CHIC2: variants seen among roughly 807,000 people sequenced by gnomAD.
The protein encoded by CHIC2 is cysteine rich hydrophobic domain 2, also known as cysteine-rich hydrophobic domain-containing protein 2.
CHIC2 carries 14 observed loss-of-function variants against 25.9 expected under a neutral mutation model. The ratio of observed to expected loss-of-function variants is 0.54; its 90% CI spans 0.36 to 0.85. The LOEUF (loss-of-function observed/expected upper bound fraction) is 0.85. Among genes scored for constraint, CHIC2 ranks in the 40% least tolerant of loss-of-function variants. The pLI is 0.01. For missense variants in CHIC2, 146 were observed against 202.0 expected (o/e 0.72, Z 1.68); for synonymous variants, 70 against 72.0 (o/e 0.97, Z 0.14).
the CHIC2 span, among the ~76,000 whole-genome samples, chr4:54,075,364 A>G: frequency 1.3e-5 from 2 of 152,164 alleles, no homozygotes; most frequent in Non-Finnish European, 2.9e-5. Flanking sequence ...TGGACGAATA[A>G]CTTAGTCTTG....
chr4:54,030,804 A>C (rs1280535944), intron 3 of CHIC2, among the ~76,000 whole-genome samples: 1 of 150,634 alleles, frequency 6.6e-6, no homozygotes, highest in African/African-American at 2.4e-5. Flanking sequence ...AAGTGCTGGG[A>C]TTACAGGAAT....
chr4:54,033,869 T>G (rs564648530), intron 3 of CHIC2, among the ~76,000 whole-genome samples: 1 of 152,324 alleles, frequency 6.6e-6, no homozygotes, highest in South Asian at 2.1e-4. Flanking sequence ...TGTTTGTCTA[T>G]CTTGATGCGA....
chr4:54,043,420 CAAAAAAAAAAA>C (rs902677237), intron 3 of CHIC2, among the ~76,000 whole-genome samples: 3 of 55,864 alleles, frequency 5.4e-5, no homozygotes, highest in Non-Finnish European at 1.2e-4. Context: ...GACTCCATTT[CAAAAAAAAAAA>C]AAAAAAAAGA....
chr4:54,080,425 GA>G, the CHIC2 span, among the ~76,000 whole-genome samples: 2 of 151,836 alleles, frequency 1.3e-5, no homozygotes, highest in Non-Finnish European at 2.9e-5. Context: ...GAAGAGATGG[GA>G]AGATGTTGGT....
chr4:54,028,231 C>T (rs1716120531), intron 3 of CHIC2, among the ~76,000 whole-genome samples: 1 of 152,142 alleles, frequency 6.6e-6, no homozygotes, highest in Non-Finnish European at 1.5e-5. Flanking sequence ...AATTTCCTAA[C>T]TCATGAAATC....
At chr4:54,063,918 A>C (rs1717412839) in intron 1 of CHIC2, among the ~76,000 whole-genome samples, 1 of 152,206 alleles carries the variant, frequency 6.6e-6, no homozygotes, top group Admixed American at 6.5e-5. Context: ...GGCAGACCCT[A>C]ATGAAAACCC....
chr4:54,086,123 C>T, the CHIC2 span, among the ~76,000 whole-genome samples: 6 of 151,956 alleles, frequency 3.9e-5, no homozygotes, highest in African/African-American at 1.4e-4. Flanking sequence ...TTGAGCATCT[C>T]CTCTGCCAGG....
upstream of CHIC2, among the ~76,000 whole-genome samples, chr4:54,066,737 C>T (rs1717528564): frequency 6.6e-6 from 1 of 152,046 alleles, no homozygotes; most frequent in Admixed American, 6.6e-5. Context: ...GCGATCCTCC[C>T]TCCTCAGCCT....
At chr4:54,034,296 C>T (rs1348602637) in intron 3 of CHIC2, among the ~76,000 whole-genome samples, 3 of 151,756 alleles carry the variant, frequency 2.0e-5, no homozygotes, top group Admixed American at 6.6e-5. Context: ...TCCAGCTACT[C>T]GGGAGGCTAA....
At chr4:54,051,373 A>G (rs1315496951) in intron 1 of CHIC2, among the ~76,000 whole-genome samples, 2 of 152,114 alleles carry the variant, frequency 1.3e-5, no homozygotes, top group African/African-American at 2.4e-5. Flanking sequence ...ATGTATCACC[A>G]ATAATAAATA....
chr4:54,069,525 T>G (rs1164694497), upstream of CHIC2, among the ~76,000 whole-genome samples: 1 of 152,234 alleles, frequency 6.6e-6, no homozygotes, highest in African/African-American at 2.4e-5. Flanking sequence ...CTCAGAACCC[T>G]GTTCCTTCAG....
At chr4:54,045,665 T>C (rs1255856450) in intron 3 of CHIC2, among the ~76,000 whole-genome samples, 2 of 151,936 alleles carry the variant, frequency 1.3e-5, no homozygotes, top group Non-Finnish European at 2.9e-5. Flanking sequence ...TAATAAGAGC[T>C]ATCTATGACA....
At chr4:54,054,587 T>C (rs767662608) in intron 1 of CHIC2, among the ~76,000 whole-genome samples, 6 of 152,218 alleles carry the variant, frequency 3.9e-5, no homozygotes, top group Non-Finnish European at 8.8e-5. Context: ...CTCAAAACCA[T>C]GTATACTAGA....
intron 1 of CHIC2, among the ~76,000 whole-genome samples, chr4:54,051,899 G>T (rs1252910448): frequency 6.6e-6 from 1 of 151,758 alleles, no homozygotes; most frequent in Non-Finnish European, 1.5e-5. Flanking sequence ...CTATCTTTAC[G>T]TTACCTCCCA....
intron 3 of CHIC2, among the ~76,000 whole-genome samples, chr4:54,015,495 C>G (rs990326134): frequency 6.6e-6 from 1 of 152,066 alleles, no homozygotes; most frequent in Admixed American, 6.6e-5. Flanking sequence ...TGCCAGTCAG[C>G]CCCAAATCAA....
intron 3 of CHIC2, among the ~76,000 whole-genome samples, chr4:54,037,582 T>C (rs893958068): frequency 2.0e-5 from 3 of 152,188 alleles, no homozygotes; most frequent in Non-Finnish European, 4.4e-5. Flanking sequence ...GTTTATTGTA[T>C]GTCACTGACA....
chr4:54,058,205 G>A (rs1717230473), intron 1 of CHIC2, among the ~76,000 whole-genome samples: 1 of 152,142 alleles, frequency 6.6e-6, no homozygotes, highest in Non-Finnish European at 1.5e-5. Context: ...TGTGCATGCA[G>A]GGTTAAACAT....
intron 3 of CHIC2, among the ~76,000 whole-genome samples, chr4:54,014,988 G>A (rs1401631446): frequency 6.6e-6 from 1 of 152,088 alleles, no homozygotes; most frequent in African/African-American, 2.4e-5. Context: ...GTATAAAGAA[G>A]TACTAGTAAT....
At chr4:54,064,734 C>T (rs1272897302), upstream of CHIC2, 3 of 848,982 alleles carry the variant, frequency 3.5e-6, no homozygotes, top group East Asian at 2.0e-4. The surrounding 1 kb of genome is among the most constrained non-coding windows in gnomAD (Gnocchi z 4.2). Flanking sequence ...GGCGGGCGGG[C>T]GCGCGCACGT....
Sources: allele counts gnomAD v4.1 joint callset (sites outside exome capture counted in the v4.1 genomes callset), GRCh38; gene constraint gnomAD v4.1.1; non-coding constraint Gnocchi (gnomAD v3.1); transcripts MANE v1.5; gene names NCBI Gene and HGNC (gene_info 2026-07-23, HGNC 2026-07-21).